Variants in KNL1 observed in about 807,000 individuals in gnomAD.
The protein encoded by KNL1 is kinetochore scaffold 1, also known as outer kinetochore KNL1 complex subunit KNL1.
In KNL1, 66 loss-of-function variants were observed where a neutral mutation model predicts 201.3. The ratio of observed to expected loss-of-function variants is 0.33; its 90% CI spans 0.27 to 0.40. KNL1 has a LOEUF of 0.40. Among genes scored for constraint, KNL1 ranks in the 10% least tolerant of loss-of-function variants. KNL1 has a pLI of 1.00. For missense variants in KNL1, 2,815 were observed against 2,690.5 expected, an observed-to-expected ratio of 1.05 and a Z score of -1.02; for synonymous variants, 895 against 899.2, an observed-to-expected ratio of 1.00 and a Z score of 0.08.
At chr15:40,600,075 CTTTTTTTTTT>C (rs10706832) in intron 1 of KNL1, among the ~76,000 whole-genome samples, 1 of 100,194 alleles carries the variant, frequency 1.0e-5, no homozygotes, top group Non-Finnish European at 2.1e-5. Flanking sequence ...TTTGGGATTC[CTTTTTTTTTT>C]TTTTTTTTGC....
intron 6 of KNL1, 81 bp from the exon 7 acceptor site, chr15:40,611,397 G>A (rs570614047): frequency 4.6e-5 from 8 of 174,274 alleles, no homozygotes; most frequent in African/African-American, 9.6e-5. Context: ...ATGAGCCACC[G>A]GGCCCAGCTG....
At chr15:40,609,805 A>G (rs78356415) in intron 5 of KNL1, among the ~76,000 whole-genome samples, 1,958 of 152,326 alleles carry the variant, frequency 0.013, 42 homozygotes, top group African/African-American at 0.045. Flanking sequence ...TTTAAAAATT[A>G]TAACCTCTGC....
At chr15:40,659,892 T>TTGTGTGTGTGTGTGTG (rs749156028) in intron 25 of KNL1, among the ~76,000 whole-genome samples, 4,401 of 120,032 alleles carry the variant, frequency 0.037, 139 homozygotes, top group South Asian at 0.058. Context: ...TTTGAAGAAT[T>TTGTGTGTGTGTGTGTG]TATGTGTGTG....
At chr15:40,615,635 T>C (rs1892314434) in intron 8 of KNL1, 2 of 175,410 alleles carry the variant, frequency 1.1e-5, no homozygotes, top group Non-Finnish European at 2.4e-5. Context: ...GGCGTGGTGG[T>C]GCGCTCCTGT....
intron 16 of KNL1, 107 bp downstream of exon 16, chr15:40,645,879 G>A: frequency 5.3e-6 from 3 of 570,254 alleles, no homozygotes; most frequent in Non-Finnish European, 8.5e-6. Context: ...AATAAGACTT[G>A]GGCAAAAACT....
intron 13 of KNL1, among the ~76,000 whole-genome samples, chr15:40,633,080 G>T (rs1175686687): frequency 6.6e-6 from 1 of 152,028 alleles, no homozygotes; most frequent in African/African-American, 2.4e-5. Context: ...TATAATTCCA[G>T]TGCTTTGGGA....
rs139813206 is a variant in KNL1 at position 40,608,793 on chromosome 15, A to G, written c.136-54A>G. ...GATCTCTGTCTATAGTACTCTGGAG[A>G]TGTAATTCACAGTGATTTTATTAAG... On this transcript the variant is annotated intron_variant, in intron 4 of 25. Transcript: ENST00000399668. The G allele has an allele frequency of 1.1e-5, 13 of 1,213,796 alleles. No homozygotes were observed. In the Middle Eastern group the frequency reaches 5.8e-4, roughly 54 times the overall value. 75.2% of individuals were successfully genotyped at this position (1,213,796 alleles called of 1,614,324 possible).
At position 40,637,047 on chromosome 15, in the gene KNL1, C is replaced by CTT. The variant is rs200385339; in HGVS notation, c.5683-3856_5683-3855dup. Among the ~76,000 whole-genome samples, 16 of 148,752 alleles carry CTT rather than the reference C, an allele frequency of 1.1e-4. No individual in the cohort carries two copies. The East Asian group carries it at 2.5e-3, about 24-fold the overall frequency. On this transcript the variant is annotated intron_variant, in intron 13 of 25. Transcript: ENST00000399668. ...TTACATTTCCCTGATCGTCTTATGC[C>CTT]TTTTTTTTTTCCCCAGTTTGTTTTC...
chr15:40,637,089 A>T (rs542817313), intron 13 of KNL1, among the ~76,000 whole-genome samples: 1 of 150,874 alleles, frequency 6.6e-6, no homozygotes, highest in Non-Finnish European at 1.5e-5. Flanking sequence ...TCCAAATGAG[A>T]TTCAAACATT....
At chr15:40,657,222 A>C in intron 23 of KNL1, 71 bp downstream of exon 23, 1 of 1,111,242 alleles carries the variant, frequency 9.0e-7, no homozygotes, top group Non-Finnish European at 1.3e-6. Flanking sequence ...CTGAAACTTT[A>C]CATAAATAAT....
intron 17 of KNL1, chr15:40,650,038 G>GT (rs1243459570): frequency 7.2e-6 from 2 of 276,778 alleles, no homozygotes. Flanking sequence ...CCTAGTACAT[G>GT]TTTTTTGCAC....
chr15:40,620,279 C>A (rs933949079), intron 9 of KNL1, among the ~76,000 whole-genome samples: 1 of 151,400 alleles, frequency 6.6e-6, no homozygotes, highest in Non-Finnish European at 1.5e-5. Context: ...AATCTCAGCT[C>A]GCTGCAAGCT....
rs1240921260 is a variant in KNL1 at position 40,608,433 on chromosome 15, GAAAAAAAAAA to G, written c.136-401_136-392del. 6.2e-5 allele frequency among the ~76,000 whole-genome samples: 5 copies of G among 80,976 alleles called. No homozygotes were observed. In the East Asian group the frequency reaches 1.1e-3, roughly 18 times the overall value. 53.1% of individuals were successfully genotyped at this position (80,976 alleles called of 152,430 possible). On this transcript the variant is annotated intron_variant, in intron 4 of 25. Transcript: ENST00000399668. Reference sequence around the variant, plus strand: ...TGGGCGACAGAACAAAACCGTCTTGGAAAAAAAAAAAAAAAAAAAAAAGACTTGTCTGGGT... The same window carrying G: ...TGGGCGACAGAACAAAACCGTCTTGGAAAAAAAAAAAAGACTTGTCTGGGT...
At position 40,617,975 on chromosome 15, in the gene KNL1, TAAAAAAAAAAAAAAAAAA is replaced by T. The variant is rs71104706; in HGVS notation, c.323-962_323-945del. On this transcript the variant is annotated intron_variant, in intron 8 of 25. Transcript: ENST00000399668. ...CCTGAAATATAAATAAGGCTTTTAG[TAAAAAAAAAAAAAAAAAA>T]AAAAAAAAAAAAAAAAAAAAAGCTT... Among the ~76,000 whole-genome samples, 161 of 47,224 alleles carry T rather than the reference TAAAAAAAAAAAAAAAAAA, an allele frequency of 3.4e-3. 1 individual carries two copies. Among genetic ancestry groups the T allele is most frequent in the Middle Eastern group, 0.015 (1 of 68 alleles). The allele number at this position is 47,224 out of a possible 152,430, so 31.0% of individuals were successfully genotyped here. A position where few individuals can be genotyped will look rare whatever the true frequency, so the allele number is the denominator to read the frequency against.
At position 40,655,098 on chromosome 15, in the gene KNL1, G is replaced by A. The variant is rs1272096862; in HGVS notation, c.6484+121G>A. 2.2e-5 allele frequency: 15 copies of A among 669,104 alleles called. No individual in the cohort carries two copies. The East Asian group carries it at 4.1e-4, about 18-fold the overall frequency. 41.4% of individuals were successfully genotyped at this position (669,104 alleles called of 1,614,324 possible). On this transcript the variant is annotated intron_variant, in intron 22 of 25. Coordinates refer to ENST00000399668, the MANE Select transcript of KNL1 (RefSeq NM_144508.5). ...GGATCACCAGGGGTCAGGAGTTTGA[G>A]ACCAGCCTGACTAACATGGTGAAAC...
chr15:40,639,442 G>C (rs943200030), intron 13 of KNL1, among the ~76,000 whole-genome samples: 1 of 151,558 alleles, frequency 6.6e-6, no homozygotes, highest in South Asian at 2.1e-4. Flanking sequence ...AAAAGTAGCC[G>C]GGCGTGGTGG....
At chr15:40,634,942 G>T (rs1384045363) in intron 13 of KNL1, among the ~76,000 whole-genome samples, 7 of 152,128 alleles carry the variant, frequency 4.6e-5, no homozygotes, top group Non-Finnish European at 8.8e-5. Context: ...AGAGTTCAGG[G>T]TACTTCGGGA....
intron 25 of KNL1, among the ~76,000 whole-genome samples, chr15:40,659,991 A>G (rs996794728): frequency 6.7e-6 from 1 of 150,022 alleles, no homozygotes; most frequent in African/African-American, 2.5e-5. Context: ...GCTCACTGCA[A>G]CCTCTGCCTC....
intron 13 of KNL1, among the ~76,000 whole-genome samples, chr15:40,633,054 C>T (rs955747122): frequency 3.3e-5 from 5 of 152,134 alleles, no homozygotes; most frequent in Non-Finnish European, 7.3e-5. Flanking sequence ...GGAGGCCAGG[C>T]ATCGTGGCTC....
Sources: allele counts gnomAD v4.1 joint callset (sites outside exome capture counted in the v4.1 genomes callset), GRCh38; gene constraint gnomAD v4.1.1; transcripts MANE v1.5; gene names NCBI Gene and HGNC (gene_info 2026-07-23, HGNC 2026-07-21).